The following FBXO28 variants were observed in gnomAD, a reference collection of about 807,000 sequenced individuals.
FBXO28 encodes the protein F-box only protein 28.
A neutral mutation model predicts 38.1 loss-of-function variants in FBXO28; 8 were observed. The ratio of observed to expected loss-of-function variants is 0.21; its 90% confidence interval spans 0.12 to 0.38. FBXO28 has a LOEUF of 0.38. FBXO28 is among the 10% of genes least tolerant of loss of function. The probability of loss-of-function intolerance (pLI) is 1.00; values close to 1 mark genes in which losing one functional copy is unlikely to be tolerated. For missense variants in FBXO28, 345 were observed against 460.6 expected, an observed-to-expected ratio of 0.75 and a Z score of 2.30; for synonymous variants, 168 against 173.8, an observed-to-expected ratio of 0.97 and a Z score of 0.26.
In FBXO28 at chr1:224,120,971, C is replaced by T. The variant is rs116748583; in HGVS notation, c.267+6575C>T. On this transcript the variant is annotated intron_variant, in intron 1 of 4. Coordinates refer to ENST00000366862, the MANE Select transcript of FBXO28 (RefSeq NM_015176.4). The stretch of plus-strand genomic sequence containing the variant: ...TACAAAATCAGTTGCTTAATATTTA[C>T]TTCCAAGAGAGGAGATTAGAACTTT... Among the ~76,000 whole-genome samples the T allele has an allele frequency of 5.2e-3, 793 of 151,072 alleles. 9 individuals are homozygous for T. Among genetic ancestry groups the T allele is most frequent in the African/African-American group, 0.015 (622 of 41,310 alleles).
chr1:224,131,228 C>T (rs925195374), intron 2 of FBXO28, among the ~76,000 whole-genome samples: 5 of 151,176 alleles, frequency 3.3e-5, no homozygotes, highest in African/African-American at 1.2e-4. Context: ...CAATAAGGTA[C>T]AATATGTTTT....
chr1:224,139,756 GCATGCATGCATACATA>G lies in FBXO28; in HGVS notation c.516+5548_516+5563del, dbSNP rs1337284246. Among the ~76,000 whole-genome samples, 246 of 32,376 alleles carry G rather than the reference GCATGCATGCATACATA, an allele frequency of 7.6e-3. 2 individuals carry two copies. Among genetic ancestry groups the G allele is most frequent in the African/African-American group, 0.016 (231 of 14,490 alleles). 21.2% of individuals were successfully genotyped at this position (32,376 alleles called of 152,430 possible). ...CTTCGTCTGAAATAAATACATACAT[GCATGCATGCATACATA>G]CATACATACATACATACATACATAC... On this transcript the variant is annotated intron_variant, in intron 3 of 4. Coordinates refer to ENST00000366862, the MANE Select transcript of FBXO28 (RefSeq NM_015176.4).
chr1:224,143,670 A>T (rs1657424751), intron 3 of FBXO28, among the ~76,000 whole-genome samples: 1 of 151,916 alleles, frequency 6.6e-6, no homozygotes, highest in Non-Finnish European at 1.5e-5. Flanking sequence ...TAAAAATACA[A>T]AAAATAAATA....
chr1:224,141,933 G>T lies in FBXO28; in HGVS notation c.516+7721G>T, dbSNP rs932199113. ...ATACTGGGTCTTGCTGAATCACCTA[G>T]GCTAGAGTGCAGTGGCATGACCACA... On this transcript the variant is annotated intron_variant, in intron 3 of 4. Coordinates refer to ENST00000366862, the MANE Select transcript of FBXO28 (RefSeq NM_015176.4). Among the ~76,000 whole-genome samples the T allele has an allele frequency of 2.0e-5, 3 of 150,008 alleles. No homozygotes were observed. In the East Asian group the frequency reaches 5.8e-4, roughly 29 times the overall value.
At chr1:224,114,643 C>T (rs373113640) in intron 1 of FBXO28, among the ~76,000 whole-genome samples, 1 of 101,574 alleles carries the variant, frequency 9.8e-6, no homozygotes, top group Admixed American at 1.1e-4. Flanking sequence ...GGGCTCCTTG[C>T]CCCCCGCCCG....
Position 224,157,655 on chromosome 1 carries a change from G to T in FBXO28, c.1016G>T (p.Gly339Val). 6.2e-7 allele frequency: 1 copy of T among 1,614,224 alleles called. No individual in the cohort carries two copies. The highest frequency in any genetic ancestry group is 8.5e-7 in the Non-Finnish European group (1 of 1,180,036). ...ESAVGNSSGS[G>V]QNEESPRKRK... ...GCTGTAGGAAATTCCTCAGGGTCCG[G>T]GCAGAATGAGGAGTCTCCTCGGAAA... Residue 339 changes from glycine (G) to valine (V), a missense_variant, in exon 5 of 5, where the codon GGG (glycine) becomes GTG (valine). This residue lies in a region of FBXO28 where 151 missense variants were observed against 188.3 expected (regional missense o/e 0.80). Coordinates refer to ENST00000366862, the MANE Select transcript of FBXO28 (RefSeq NM_015176.4).
At chr1:224,119,033 G>C (rs552149980) in intron 1 of FBXO28, among the ~76,000 whole-genome samples, 115 of 152,192 alleles carry the variant, frequency 7.6e-4, no homozygotes, top group Non-Finnish European at 1.5e-3. Flanking sequence ...AGGGTCTCCA[G>C]GACCCTGGGG....
chr1:224,141,295 C>T (rs1248255843), intron 3 of FBXO28, among the ~76,000 whole-genome samples: 1 of 151,754 alleles, frequency 6.6e-6, no homozygotes, highest in East Asian at 1.9e-4. Context: ...ACAGGTGAAA[C>T]CCTGTCTCTA....
At chr1:224,135,742 A>G (rs886490413) in intron 3 of FBXO28, among the ~76,000 whole-genome samples, 1 of 152,080 alleles carries the variant, frequency 6.6e-6, no homozygotes, top group African/African-American at 2.4e-5. Flanking sequence ...TTGACAGTCT[A>G]AACAAATAAT....
chr1:224,120,829 C>T (rs529328970), intron 1 of FBXO28, among the ~76,000 whole-genome samples: 9 of 142,434 alleles, frequency 6.3e-5, no homozygotes, highest in African/African-American at 2.2e-4. Flanking sequence ...TGCCATTGCA[C>T]GCCAGCCTGG....
intron 1 of FBXO28, 29 bp from the exon 2 acceptor site, chr1:224,130,443 T>C: frequency 8.9e-7 from 1 of 1,126,710 alleles, no homozygotes; most frequent in Non-Finnish European, 1.2e-6. Context: ...AATTTGGTTA[T>C]TGATTTTTGT....
chr1:224,133,205 A>G (rs1657095306), intron 2 of FBXO28, among the ~76,000 whole-genome samples: 1 of 152,204 alleles, frequency 6.6e-6, no homozygotes. Context: ...TAGTATTGCC[A>G]GGGGCTGGGA....
chr1:224,142,426 G>C (rs555801146), intron 3 of FBXO28, among the ~76,000 whole-genome samples: 3 of 152,040 alleles, frequency 2.0e-5, no homozygotes, highest in African/African-American at 7.2e-5. Flanking sequence ...CAAGGTAGGC[G>C]GATCATTTGA....
chr1:224,153,962 G>A (rs997692207), intron 4 of FBXO28, among the ~76,000 whole-genome samples: 2 of 151,952 alleles, frequency 1.3e-5, no homozygotes, highest in African/African-American at 4.8e-5. Context: ...ACCAGGCGCA[G>A]TGGCCCACGC....
At chr1:224,152,530 T>A (rs1033499094) in intron 3 of FBXO28, among the ~76,000 whole-genome samples, 2 of 152,200 alleles carry the variant, frequency 1.3e-5, no homozygotes, top group African/African-American at 4.8e-5. Flanking sequence ...TCTCCCCAGT[T>A]ACACTGTGAT....
intron 2 of FBXO28, chr1:224,130,828 A>C: frequency 2.6e-6 from 1 of 386,392 alleles, no homozygotes; most frequent in Non-Finnish European, 4.8e-6. Context: ...GGAAAAGAAG[A>C]AATAGAACTC....
intron 3 of FBXO28, among the ~76,000 whole-genome samples, chr1:224,136,589 A>G (rs186235106): frequency 0.13 from 19,248 of 148,676 alleles, 1,388 homozygotes; most frequent in South Asian, 0.17. Context: ...CTAGCTGGGC[A>G]TGGTGGCGGG....
chr1:224,137,132 C>T (rs1036609829), intron 3 of FBXO28, among the ~76,000 whole-genome samples: 2 of 151,794 alleles, frequency 1.3e-5, no homozygotes, highest in Non-Finnish European at 2.9e-5. Flanking sequence ...AACTTAAGGT[C>T]TACAGTAAGC....
rs1164244686 is a variant in FBXO28 at position 224,148,753 on chromosome 1, CTA to C, written c.517-4387_517-4386del. Among the ~76,000 whole-genome samples, 9 of 152,260 alleles carry C rather than the reference CTA, an allele frequency of 5.9e-5. No individual in the cohort carries two copies. The East Asian group carries it at 1.5e-3, about 26-fold the overall frequency. Reference sequence around the variant, plus strand: ...TAACTACTGTATAAATGTTGAATTGCTATCCTATCACCTATCCATCCACATCA... The same window carrying C: ...TAACTACTGTATAAATGTTGAATTGCTCCTATCACCTATCCATCCACATCA... On this transcript the variant is annotated intron_variant, in intron 3 of 4. Coordinates refer to ENST00000366862, the MANE Select transcript of FBXO28 (RefSeq NM_015176.4).
Sources: gnomAD v4.1 joint callset for allele counts (sites outside exome capture counted in the v4.1 genomes callset) on GRCh38, gnomAD v4.1.1 for gene constraint, gnomAD v4.1.1 regional missense constraint, MANE v1.5 for transcripts, NCBI Gene and HGNC (gene_info 2026-07-23, HGNC 2026-07-21) for gene names.